The following RPS6KB2 variants were observed in gnomAD, a reference collection of about 807,000 sequenced individuals.
RPS6KB2 encodes the protein ribosomal protein S6 kinase beta-2.
Under a neutral mutation model 58.2 loss-of-function variants are expected in RPS6KB2, and 51 were observed. The ratio of observed to expected loss-of-function variants is 0.88; its 90% CI spans 0.70 to 1.11. RPS6KB2 has a LOEUF of 1.11. RPS6KB2 is among the 50% of genes least tolerant of loss of function. RPS6KB2 has a pLI of 0.00. For missense variants in RPS6KB2, 671 were observed against 655.8 expected, an observed-to-expected ratio of 1.02 and a Z score of -0.25; for synonymous variants, 293 against 258.6, an observed-to-expected ratio of 1.13 and a Z score of -1.28.
In RPS6KB2 at chr11:67,428,964, C is replaced by G. The variant is rs764010513; in HGVS notation, c.79-18C>G. ...ATCCTGGCACCTTCCTTGGCTCTTA[C>G]CCCTCGGTTTCTCACAGGACGCATG... is the stretch of plus-strand genomic sequence containing the variant. On this transcript the variant is annotated intron_variant, in intron 1 of 14. Transcript: ENST00000312629. 9.9e-6 allele frequency: 16 copies of G among 1,613,968 alleles called. No homozygotes were observed. Among genetic ancestry groups the G allele is most frequent in the Non-Finnish European group, 1.3e-5 (15 of 1,180,016 alleles).
At position 67,431,352 on chromosome 11, in the gene RPS6KB2, A is replaced by G. The variant is rs757072049; in HGVS notation, c.310-16A>G. 1 of 1,612,336 alleles carries G rather than the reference A, an allele frequency of 6.2e-7. No individual in the cohort carries two copies. Among genetic ancestry groups the G allele is most frequent in the African/African-American group, 1.3e-5 (1 of 74,820 alleles). On this transcript the variant is annotated splice_polypyrimidine_tract_variant and intron_variant, in intron 4 of 14. Coordinates refer to ENST00000312629, the MANE Select transcript of RPS6KB2 (RefSeq NM_003952.3). ...GCCTGGATGCCTCAGTTTCTAACCA[A>G]TTCCTGTATCTCCAGGCCAAAATTG...
intron 14 of RPS6KB2, 103 bp from the exon 15 acceptor site, chr11:67,434,886 C>T: frequency 8.2e-7 from 1 of 1,214,686 alleles, no homozygotes; most frequent in Non-Finnish European, 1.2e-6. Context: ...AGCCCGCGGC[C>T]TGTGTGCCTG....
At position 67,435,303 on chromosome 11, in the gene RPS6KB2, C is replaced by A; in HGVS notation, c.*134C>A. ...TGTGAGTGCGTATGAAAGTGTGTGT[C>A]TGCTGGGGCAGCTGTGCCCCTGAAT... On this transcript the variant is annotated 3_prime_UTR_variant, in exon 15 of 15. Coordinates refer to ENST00000312629, the MANE Select transcript of RPS6KB2 (RefSeq NM_003952.3). The A allele has an allele frequency of 1.2e-6, 1 of 861,816 alleles. No individual in the cohort carries two copies. The highest frequency in any genetic ancestry group is 1.7e-6 in the Non-Finnish European group (1 of 579,814). The allele number at this position is 861,816 out of a possible 1,614,324, so 53.4% of individuals were successfully genotyped here.
chr11:67,429,617 C>G, intron 4 of RPS6KB2, 22 bp downstream of exon 4: 1 of 1,581,318 alleles, frequency 6.3e-7, no homozygotes. Flanking sequence ...GTTCAGCCAA[C>G]GAATACTGTG....
intron 4 of RPS6KB2, 43 bp from the exon 5 acceptor site, chr11:67,431,325 C>T: frequency 2.5e-6 from 4 of 1,602,276 alleles, no homozygotes; most frequent in Non-Finnish European, 3.4e-6. Flanking sequence ...CCACTGTGCC[C>T]AGCCTGGATG....
At chr11:67,434,903 TG>T in intron 14 of RPS6KB2, 85 bp from the exon 15 acceptor site, 1 of 1,337,032 alleles carries the variant, frequency 7.5e-7, no homozygotes, top group Non-Finnish European at 1.1e-6. Flanking sequence ...CCTGGGCAGG[TG>T]GGAAAGGCTG....
chr11:67,429,837 G>A (rs886449084), intron 4 of RPS6KB2: 2 of 431,692 alleles, frequency 4.6e-6, no homozygotes, highest in Non-Finnish European at 8.4e-6. Flanking sequence ...TTTTTAAGAC[G>A]GAGTCTTGCT....
chr11:67,430,951 T>G (rs1480180465), intron 4 of RPS6KB2: 1 of 155,764 alleles, frequency 6.4e-6, no homozygotes, highest in Non-Finnish European at 1.4e-5. Flanking sequence ...AGCAGAATTA[T>G]GGAGAAATAC....
chr11:67,430,635 T>C (rs934192736), intron 4 of RPS6KB2: 2 of 152,210 alleles, frequency 1.3e-5, no homozygotes, highest in Non-Finnish European at 2.9e-5. Context: ...GGTTTCACCA[T>C]GTTGGTCAGG....
intron 5 of RPS6KB2, chr11:67,431,948 G>A (rs1347994154): frequency 7.6e-6 from 2 of 264,092 alleles, no homozygotes; most frequent in Non-Finnish European, 1.5e-5. Flanking sequence ...TAACTGGGCT[G>A]AGGCCTCCCG....
chr11:67,431,172 G>A, intron 4 of RPS6KB2, 196 bp from the exon 5 acceptor site: 1 of 479,652 alleles, frequency 2.1e-6, no homozygotes, highest in East Asian at 3.9e-5. Flanking sequence ...TGGGATTACA[G>A]GCGTGTACCA....
Position 67,428,506 on chromosome 11 carries a change from GC to G in RPS6KB2, c.-38del. ...GTCCGGGACTGTCAGTCAGTGCGCGGCCAGGTACGGGCCGACGGGCCCGCGG... is the reference window on the plus strand; with the variant it reads ...GTCCGGGACTGTCAGTCAGTGCGCGGCAGGTACGGGCCGACGGGCCCGCGG... On this transcript the variant is annotated 5_prime_UTR_variant, in exon 1 of 15. Transcript: ENST00000312629. 6.4e-7 allele frequency: 1 copy of G among 1,569,976 alleles called. No individual in the cohort carries two copies. Among genetic ancestry groups the G allele is most frequent in the Non-Finnish European group, 8.7e-7 (1 of 1,151,618 alleles).
Position 67,429,538 on chromosome 11 carries a change from G to A in RPS6KB2, c.252G>A (p.Val84=), listed in dbSNP as rs762169628. 107 of 1,613,072 alleles carry A rather than the reference G, an allele frequency of 6.6e-5. 1 individual carries two copies. The South Asian group carries it at 1.1e-3, about 17-fold the overall frequency. ...GKGGYGKVFQ[V]RKVQGTNLGK... is the part of the protein sequence containing the mutation. ...CCCCTGCCCTACAGGTGTTCCAGGT[G>A]CGAAAGGTGCAAGGCACCAACTTGG... is the stretch of plus-strand genomic sequence containing the variant. The change falls in exon 4 of 15, where the codon GTG becomes GTA. Residue 84 remains valine, a synonymous_variant. Coordinates refer to ENST00000312629, the MANE Select transcript of RPS6KB2 (RefSeq NM_003952.3).
At chr11:67,431,615 G>C (rs1195489116) in intron 5 of RPS6KB2, 100 bp downstream of exon 5, 2 of 1,303,650 alleles carry the variant, frequency 1.5e-6, no homozygotes, top group Non-Finnish European at 2.1e-6. Flanking sequence ...TGAGTCTGTG[G>C]GGGTTGGCTA....
intron 5 of RPS6KB2, 183 bp from the exon 6 acceptor site, chr11:67,432,417 A>G (rs1053423659): frequency 1.7e-5 from 12 of 719,850 alleles, no homozygotes; most frequent in African/African-American, 8.7e-5. Flanking sequence ...CACCCAGCAC[A>G]GGGCCAGGCA....
chr11:67,433,249 G>T (rs370066473), intron 9 of RPS6KB2, 33 bp downstream of exon 9: 18 of 1,606,982 alleles, frequency 1.1e-5, no homozygotes, highest in Non-Finnish European at 1.5e-5. Flanking sequence ...AGGAGGGGCA[G>T]GGGCAGAGGT....
rs1267848997 is a variant in RPS6KB2, at chr11:67,428,917, A to G, written c.79-65A>G. On this transcript the variant is annotated intron_variant, in intron 1 of 14. Coordinates refer to ENST00000312629, the MANE Select transcript of RPS6KB2 (RefSeq NM_003952.3). ...CTTCTCTCCTGGGCCACGCAGTCCA[A>G]CCTGAACGGGAGCGGGGAGGTATCC... 4 of 1,597,252 alleles carry G rather than the reference A, an allele frequency of 2.5e-6. No homozygotes were observed. The South Asian group carries it at 4.4e-5, about 18-fold the overall frequency.
Position 67,435,026 on chromosome 11 carries a change from A to G in RPS6KB2, c.1306A>G (p.Ser436Gly), listed in dbSNP as rs2135131261. 6.2e-7 allele frequency: 1 copy of G among 1,613,444 alleles called. No individual in the cohort carries two copies. Among genetic ancestry groups the G allele is most frequent in the East Asian group, 2.2e-5 (1 of 44,874 alleles). The change falls in exon 15 of 15, where the codon AGC becomes GGC. Residue 436 changes from serine to glycine, a missense_variant. By Grantham distance (56) the Ser-to-Gly change is moderately conservative (BLOSUM62 0). Coordinates refer to ENST00000312629, the MANE Select transcript of RPS6KB2 (RefSeq NM_003952.3). ...KFSPFEGFRP[S>G]PSLPEPTELP... ...CTCCCCTTTTGAGGGGTTTCGGCCC[A>G]GCCCCAGCCTGCCGGAGCCCACGGA...
In RPS6KB2 at chr11:67,435,159, C is replaced by T; in HGVS notation, c.1439C>T (p.Pro480Leu). ...TKKSKRGRGR[P>L]GR The stretch of plus-strand genomic sequence containing the variant: ...AAGTCCAAGAGGGGCCGTGGGCGTC[C>T]AGGGCGCTAGGAAGCCGGGTGGGGG... The change falls in exon 15 of 15, where the codon CCA (proline) becomes CTA (leucine). Residue 480 changes from proline to leucine, a missense_variant. By Grantham distance (98) the Pro-to-Leu change is moderately conservative (BLOSUM62 -3). Coordinates refer to ENST00000312629, the MANE Select transcript of RPS6KB2 (RefSeq NM_003952.3). 1 of 1,581,046 alleles carries T rather than the reference C, an allele frequency of 6.3e-7. No homozygotes were observed. The highest frequency in any genetic ancestry group is 8.6e-7 in the Non-Finnish European group (1 of 1,168,366).
Sources: gnomAD v4.1 joint callset for allele counts on GRCh38, gnomAD v4.1.1 for gene constraint, MANE v1.5 for transcripts, NCBI Gene and HGNC (gene_info 2026-07-23, HGNC 2026-07-21) for gene names.